Variants in ZNF823 observed in about 807,000 individuals in gnomAD.
ZNF823 encodes ZFP 36 for a zinc finger protein.
In ZNF823, 5 loss-of-function variants were observed where a neutral mutation model predicts 11.4. The ratio of observed to expected loss-of-function variants is 0.44; its 90% CI spans 0.23 to 0.92. ZNF823 has a LOEUF of 0.92. ZNF823 is among the 40% of genes least tolerant of loss of function. ZNF823 has a pLI of 0.24. For synonymous variants in ZNF823, 234 were observed against 250.5 expected, an observed-to-expected ratio of 0.93 and a Z score of 0.62; for missense variants, 582 against 738.5, an observed-to-expected ratio of 0.79 and a Z score of 2.46.
chr19:11,731,436 T>A (rs1438813664), intron 1 of ZNF823, among the ~76,000 whole-genome samples: 1 of 152,160 alleles, frequency 6.6e-6, no homozygotes, highest in African/African-American at 2.4e-5. Context: ...AAACATATAC[T>A]GAATAACAGT....
At chr19:11,726,073 C>CAAAAAAAA (rs4052622) in intron 1 of ZNF823, 2 of 84,708 alleles carry the variant, frequency 2.4e-5, no homozygotes, top group Non-Finnish European at 4.9e-5. Context: ...ATAAAAAATA[C>CAAAAAAAA]AAAAAAAAAA....
intron 1 of ZNF823, 61 bp downstream of exon 1, chr19:11,738,756 G>T: frequency 6.4e-7 from 1 of 1,564,266 alleles, no homozygotes; most frequent in Middle Eastern, 1.7e-4. Flanking sequence ...CTCACGGTCG[G>T]TTCCGGCCGG....
intron 1 of ZNF823, among the ~76,000 whole-genome samples, chr19:11,735,739 TA>T (rs922123780): frequency 3.1e-4 from 46 of 147,266 alleles, no homozygotes; most frequent in Admixed American, 6.8e-4. Flanking sequence ...CATGGGTATT[TA>T]AAAAAAAAAA....
chr19:11,724,024 C>T (rs961221788), intron 3 of ZNF823, among the ~76,000 whole-genome samples, 170 bp downstream of exon 3: 2 of 152,062 alleles, frequency 1.3e-5, no homozygotes. Context: ...CTTGGCCTCC[C>T]AAAGTGCTGG....
intron 1 of ZNF823, among the ~76,000 whole-genome samples, chr19:11,728,739 G>C (rs1310009186): frequency 1.3e-5 from 2 of 152,094 alleles, no homozygotes; most frequent in Non-Finnish European, 2.9e-5. Context: ...AAAAAGTGGA[G>C]AAGTTGAAAA....
chr19:11,728,691 A>C (rs1418791774), intron 1 of ZNF823, among the ~76,000 whole-genome samples: 3 of 152,248 alleles, frequency 2.0e-5, no homozygotes, highest in African/African-American at 7.2e-5. Flanking sequence ...AAGCAAGCAA[A>C]TAGAATCATA....
chr19:11,722,806 G>A lies in ZNF823; in HGVS notation c.728C>T (p.Thr243Met), dbSNP rs375817352. The change falls in exon 4 of 4, where the codon ACG becomes ATG. Residue 243 changes from threonine to methionine, a missense_variant. By Grantham distance (81) the Thr-to-Met change is moderately conservative. Coordinates refer to ENST00000341191, the MANE Select transcript of ZNF823 (RefSeq NM_001080493.4). This position sits in a 1 kb window ranked among gnomAD's most constrained non-coding sequence, Gnocchi z 5.2. ...SSYLRHERIHTGEKAYECKQC... is the reference protein window; with the variant it reads ...SSYLRHERIHMGEKAYECKQC... ...CTTACATTCATACGCTTTCTCTCCC[G>A]TGTGGATTCTTTCATGTCTTAGATA... 2.6e-5 allele frequency: 42 copies of A among 1,613,928 alleles called. No individual in the cohort carries two copies. The Admixed American group carries it at 3.2e-4, about 12-fold the overall frequency.
intron 3 of ZNF823, among the ~76,000 whole-genome samples, chr19:11,723,773 G>A (rs1350392201): frequency 1.3e-5 from 2 of 152,134 alleles, no homozygotes; most frequent in Non-Finnish European, 2.9e-5. Flanking sequence ...TTGAACTCCC[G>A]ACCTCAGGTG....
At chr19:11,738,719 A>T in intron 1 of ZNF823, 98 bp downstream of exon 1, 1 of 1,437,738 alleles carries the variant, frequency 7.0e-7, no homozygotes, top group Non-Finnish European at 9.3e-7. Context: ...CAGACCCCGG[A>T]GTCGCCCAGG....
At position 11,722,698 on chromosome 19, in the gene ZNF823, G is replaced by A. The variant is rs868216033; in HGVS notation, c.836C>T (p.Thr279Ile). ...THTGEKPYKC[T>I]QCGKAFSCYY... ...ACAGCTGAAGGCTTTCCCACATTGT[G>A]TACATTTATAGGGTTTCTCTCCGGT... Residue 279 changes from threonine (T) to isoleucine (I), a missense_variant, in exon 4 of 4, where the codon ACA becomes ATA. Around this residue, in one of 3 missense-constraint regions of ZNF823, gnomAD observed 429 missense variants for 553.7 expected, o/e 0.77. Transcript: ENST00000341191. The surrounding 1 kb of genome is among the most constrained non-coding windows in gnomAD (Gnocchi z 5.2). 1.2e-6 allele frequency: 2 copies of A among 1,613,788 alleles called. No individual in the cohort carries two copies. The highest frequency in any genetic ancestry group is 1.1e-5 in the South Asian group (1 of 91,046).
In ZNF823 at chr19:11,737,356, C is replaced by T. The variant is rs570229364; in HGVS notation, c.3+1461G>A. 4.6e-5 allele frequency among the ~76,000 whole-genome samples: 7 copies of T among 152,084 alleles called. 1 individual carries two copies. The highest frequency in any genetic ancestry group is 1.0e-4 in the Non-Finnish European group (7 of 68,002). On this transcript the variant is annotated intron_variant, in intron 1 of 3. Transcript: ENST00000341191. Reference sequence around the variant, plus strand: ...TTGGCTCACCGCAACCTCCGCCTACCGGGTTCAAGCAATTCTCCTCCCTCA... The same window carrying T: ...TTGGCTCACCGCAACCTCCGCCTACTGGGTTCAAGCAATTCTCCTCCCTCA...
Position 11,738,919 on chromosome 19 carries a change from C to A in ZNF823, c.-100G>T. The A allele has an allele frequency of 1.4e-6, 2 of 1,464,702 alleles. No individual in the cohort carries two copies. The highest frequency in any genetic ancestry group is 9.1e-7 in the Non-Finnish European group (1 of 1,093,454). The allele number at this position is 1,464,702 out of a possible 1,614,324, so 90.7% of individuals were successfully genotyped here. The stretch of plus-strand genomic sequence containing the variant: ...ACCTTCCAGGGCGTCTCTCTCTCAG[C>A]GCCAGAGCCAGGACTCAGAGCGCAG... On this transcript the variant is annotated 5_prime_UTR_variant, in exon 1 of 4. Coordinates refer to ENST00000341191, the MANE Select transcript of ZNF823 (RefSeq NM_001080493.4).
At chr19:11,735,376 C>T (rs1234951202) in intron 1 of ZNF823, among the ~76,000 whole-genome samples, 1 of 151,480 alleles carries the variant, frequency 6.6e-6, no homozygotes, top group African/African-American at 2.4e-5. Context: ...TTGCAATATG[C>T]TTTTAGAGTG....
chr19:11,738,335 C>T (rs1188615724), intron 1 of ZNF823, among the ~76,000 whole-genome samples: 2 of 152,200 alleles, frequency 1.3e-5, no homozygotes, highest in Non-Finnish European at 2.9e-5. Context: ...CCAGGAGTCA[C>T]CTCTCACTTC....
chr19:11,727,387 G>C (rs1413524132), intron 1 of ZNF823, among the ~76,000 whole-genome samples: 1 of 151,974 alleles, frequency 6.6e-6, no homozygotes, highest in Admixed American at 6.6e-5. Context: ...TGGCGCACCT[G>C]TCATCCCAGC....
intron 1 of ZNF823, among the ~76,000 whole-genome samples, chr19:11,726,889 TG>T (rs1369896980): frequency 1.3e-5 from 2 of 152,216 alleles, no homozygotes; most frequent in African/African-American, 4.8e-5. Context: ...ACTTGTTACA[TG>T]GGATATTTAG....
chr19:11,734,721 T>C (rs575636847), intron 1 of ZNF823, among the ~76,000 whole-genome samples: 2 of 152,190 alleles, frequency 1.3e-5, no homozygotes, highest in African/African-American at 4.8e-5. Flanking sequence ...TATTTTTTAG[T>C]AGAGATGGGG....
intron 1 of ZNF823, among the ~76,000 whole-genome samples, chr19:11,727,123 C>T (rs1292886363): frequency 6.6e-6 from 1 of 152,142 alleles, no homozygotes. Context: ...TCATGATTAT[C>T]TATAATATTT....
chr19:11,738,693 G>A, intron 1 of ZNF823, 124 bp downstream of exon 1: 1 of 1,283,620 alleles, frequency 7.8e-7, no homozygotes, highest in Non-Finnish European at 1.0e-6. Flanking sequence ...AGCTGCGCCA[G>A]GGGCACTGGG....
Sources: allele counts gnomAD v4.1 joint callset (sites outside exome capture counted in the v4.1 genomes callset), GRCh38; gene constraint gnomAD v4.1.1; regional missense constraint gnomAD v4.1.1; non-coding constraint Gnocchi (gnomAD v3.1); transcripts MANE v1.5; gene names NCBI Gene and HGNC (gene_info 2026-07-23, HGNC 2026-07-21).